The following TET3 variants were observed in gnomAD, a reference collection of about 807,000 sequenced individuals.
TET3 encodes tet methylcytosine dioxygenase 3, also known as methylcytosine dioxygenase TET3.
A neutral mutation model predicts 141.4 loss-of-function variants in TET3; 19 were observed. The observed-to-expected ratio is 0.13, with a 90% confidence interval of 0.09 to 0.20. The LOEUF (loss-of-function observed/expected upper bound fraction) is 0.20, where lower values mean the gene tolerates loss of function less well. Ranked by LOEUF, TET3 falls within the 10% of genes least tolerant of loss-of-function variation. TET3 has a pLI of 1.00. For missense variants in TET3, 1,874 were observed against 2,356.9 expected (o/e 0.80, Z 4.24); for synonymous variants, 1,043 against 980.9 (o/e 1.06, Z -1.18).
At chr2:74,098,976 A>G (rs988877213) in intron 10 of TET3, among the ~76,000 whole-genome samples, 7 of 152,238 alleles carry the variant, frequency 4.6e-5, no homozygotes, top group African/African-American at 1.7e-4. Context: ...GCCAGAGGGC[A>G]GAGCAAGCCT....
intron 3 of TET3, among the ~76,000 whole-genome samples, chr2:74,025,449 G>A (rs985077549): frequency 2.6e-5 from 4 of 151,434 alleles, no homozygotes; most frequent in Non-Finnish European, 4.4e-5. Context: ...CACCACGCCC[G>A]GCTAATTTTT....
chr2:74,110,646 CCAGAGGTCTTAG>C (rs1254798298), downstream of TET3, among the ~76,000 whole-genome samples: 1 of 152,158 alleles, frequency 6.6e-6, no homozygotes, highest in Non-Finnish European at 1.5e-5. Context: ...CATCCCCACT[CCAGAGGTCTTAG>C]CAGAGGCCTG....
At chr2:74,071,264 C>T (rs987076366) in intron 4 of TET3, among the ~76,000 whole-genome samples, 4 of 152,180 alleles carry the variant, frequency 2.6e-5, no homozygotes, top group Non-Finnish European at 5.9e-5. Context: ...CAAATGCTAT[C>T]CCATTGGGGA....
intron 3 of TET3, among the ~76,000 whole-genome samples, chr2:74,034,669 T>C (rs1299553400): frequency 6.6e-6 from 1 of 152,076 alleles, no homozygotes. Context: ...TATTCCATTG[T>C]CCATTCTGTA....
At chr2:74,082,879 C>T (rs1341449786) in intron 6 of TET3, among the ~76,000 whole-genome samples, 5 of 152,056 alleles carry the variant, frequency 3.3e-5, no homozygotes, top group African/African-American at 7.2e-5. Flanking sequence ...GTCAGGAGCC[C>T]GGAGCCGGTT....
At chr2:74,018,986 C>T (rs1483144259) in intron 3 of TET3, among the ~76,000 whole-genome samples, 1 of 152,066 alleles carries the variant, frequency 6.6e-6, no homozygotes, top group African/African-American at 2.4e-5. Context: ...TGGCTCATGC[C>T]CCATAATGCC....
chr2:74,070,929 C>T (rs1689169435), intron 4 of TET3, among the ~76,000 whole-genome samples: 1 of 152,078 alleles, frequency 6.6e-6, no homozygotes, highest in African/African-American at 2.4e-5. Context: ...AAGCTGTGAT[C>T]ATGCCATTGC....
At chr2:74,071,722 T>G (rs7606371) in intron 4 of TET3, among the ~76,000 whole-genome samples, 3,932 of 152,276 alleles carry the variant, frequency 0.026, 166 homozygotes, top group African/African-American at 0.089. Flanking sequence ...TCATGTCTTC[T>G]TAGATATGAA....
rs1202744742 is a variant in TET3, at chr2:74,106,986, A to C, written c.*4810A>C. On this transcript the variant is annotated 3_prime_UTR_variant, in exon 12 of 12. Coordinates refer to ENST00000409262, the MANE Select transcript of TET3 (RefSeq NM_001287491.2). Reference sequence around the variant, plus strand: ...AATGTGAATTTCCTATGCCCATCTCATTGAGCTTTCTCAGTCATTGTTGCT... The same window carrying C: ...AATGTGAATTTCCTATGCCCATCTCCTTGAGCTTTCTCAGTCATTGTTGCT... 1 of 152,218 alleles carries C rather than the reference A, an allele frequency of 6.6e-6. No homozygotes were observed. Among genetic ancestry groups the C allele is most frequent in the Admixed American group, 6.5e-5 (1 of 15,292 alleles). 9.4% of individuals were successfully genotyped at this position (152,218 alleles called of 1,614,324 possible). A position where few individuals can be genotyped will look rare whatever the true frequency, so the allele number is the denominator to read the frequency against.
intron 8 of TET3, among the ~76,000 whole-genome samples, chr2:74,092,324 C>T (rs1290206028): frequency 6.6e-6 from 1 of 152,034 alleles, no homozygotes; most frequent in East Asian, 1.9e-4. Flanking sequence ...AATTAGAATT[C>T]ATCTGTATTT....
At chr2:74,024,158 C>G (rs1236488412) in intron 3 of TET3, among the ~76,000 whole-genome samples, 1 of 152,198 alleles carries the variant, frequency 6.6e-6, no homozygotes, top group African/African-American at 2.4e-5. Context: ...ATTTAGGAGA[C>G]TTGCTTAGGA....
At chr2:74,023,817 T>C (rs13033927) in intron 3 of TET3, among the ~76,000 whole-genome samples, 1 of 152,192 alleles carries the variant, frequency 6.6e-6, no homozygotes, top group African/African-American at 2.4e-5. Flanking sequence ...CTAATATTTG[T>C]TTTTTTCTTT....
At chr2:74,019,979 A>G (rs6748876) in intron 3 of TET3, among the ~76,000 whole-genome samples, 2,503 of 152,254 alleles carry the variant, frequency 0.016, 57 homozygotes, top group African/African-American at 0.058. Flanking sequence ...CCCTTAGGGG[A>G]TGAGGACTCA....
chr2:74,053,641 A>T (rs897901324), intron 4 of TET3, among the ~76,000 whole-genome samples: 9 of 152,190 alleles, frequency 5.9e-5, no homozygotes, highest in African/African-American at 1.9e-4. Flanking sequence ...CACAGGGAAA[A>T]TATCTCCTTT....
chr2:74,131,513 G>C, the TET3 span, among the ~76,000 whole-genome samples: 3 of 152,224 alleles, frequency 2.0e-5, no homozygotes, highest in Admixed American at 2.0e-4. Flanking sequence ...TCAGGTTACT[G>C]GCCACCCTGT....
intron 2 of TET3, among the ~76,000 whole-genome samples, chr2:73,997,934 A>G (rs1483138211): frequency 6.6e-6 from 1 of 152,180 alleles, no homozygotes; most frequent in African/African-American, 2.4e-5. Flanking sequence ...CTTTGGGCCC[A>G]TAGAGGCCAG....
intron 2 of TET3, among the ~76,000 whole-genome samples, chr2:73,988,991 TTTTTTTTG>T (rs1684189977): frequency 9.4e-6 from 1 of 106,550 alleles, no homozygotes; most frequent in African/African-American, 4.6e-5. Context: ...AAAAAAAAAG[TTTTTTTTG>T]TTTTTTTTTT....
chr2:74,090,679 G>A (rs1443304558), intron 8 of TET3, among the ~76,000 whole-genome samples: 1 of 152,208 alleles, frequency 6.6e-6, no homozygotes, highest in Non-Finnish European at 1.5e-5. Flanking sequence ...GACAGCAGGG[G>A]AAGGCGCCCT....
At chr2:74,080,964 C>T (rs1573875239) in intron 6 of TET3, among the ~76,000 whole-genome samples, 1 of 152,178 alleles carries the variant, frequency 6.6e-6, no homozygotes, top group South Asian at 2.1e-4. Context: ...TGATGGGCTC[C>T]ACTGTGGACT....
Sources: allele counts gnomAD v4.1 joint callset (sites outside exome capture counted in the v4.1 genomes callset), GRCh38; gene constraint gnomAD v4.1.1; transcripts MANE v1.5; gene names NCBI Gene and HGNC (gene_info 2026-07-23, HGNC 2026-07-21).